The following TMEM229B variants were observed in gnomAD, a reference collection of about 807,000 sequenced individuals.
The protein encoded by TMEM229B is chromosome 14 open reading frame 83.
In TMEM229B, 6 loss-of-function variants were observed where a neutral mutation model predicts 13.7. That is an observed-to-expected ratio of 0.44 (90% CI 0.24 to 0.86). TMEM229B has a LOEUF of 0.86. Among genes scored for constraint, TMEM229B ranks in the 40% least tolerant of loss-of-function variants. The pLI, the probability that TMEM229B is intolerant of heterozygous loss-of-function variation, is 0.23. For synonymous variants in TMEM229B, 107 were observed against 102.1 expected, an observed-to-expected ratio of 1.05 and a Z score of -0.29; for missense variants, 170 against 236.0, an observed-to-expected ratio of 0.72 and a Z score of 1.83.
upstream of TMEM229B, among the ~76,000 whole-genome samples, chr14:67,519,636 C>A (rs564173218): frequency 6.6e-6 from 1 of 151,970 alleles, no homozygotes; most frequent in East Asian, 1.9e-4. Flanking sequence ...CAAGTACCCC[C>A]CAAACAGCGA....
At chr14:67,499,482 T>C (rs1205088660) in intron 1 of TMEM229B, among the ~76,000 whole-genome samples, 1 of 152,222 alleles carries the variant, frequency 6.6e-6, no homozygotes, top group Non-Finnish European at 1.5e-5. Flanking sequence ...AGGTTATCTC[T>C]ACAGGCCAGG....
chr14:67,473,711 G>T lies in TMEM229B; in HGVS notation c.213C>A (p.Cys71Ter). The change falls in exon 3 of 3, where the codon TGC (cysteine) becomes TGA (stop). Residue 71 changes from cysteine to a stop codon, truncating the protein, a stop_gained. Coordinates refer to ENST00000554480, the MANE Select transcript of TMEM229B (RefSeq NM_001348543.2). LOFTEE classifies it high-confidence loss of function. This position sits in a 1 kb window ranked among gnomAD's most constrained non-coding sequence, Gnocchi z 6.5. Reference sequence around the variant, plus strand: ...AGATGAGGCAGCGCAGGAGCAGCGGGCAGCGGCCGCGCAGCCGCAGGTACA... The same window carrying T: ...AGATGAGGCAGCGCAGGAGCAGCGGTCAGCGGCCGCGCAGCCGCAGGTACA... ...ERMYLRLRGR[C>*]PLLLRCLIYT... 6.2e-7 allele frequency: 1 copy of T among 1,600,082 alleles called. No homozygotes were observed. Among genetic ancestry groups the T allele is most frequent in the Admixed American group, 1.7e-5 (1 of 57,684 alleles).
chr14:67,473,702 G>C lies in TMEM229B; in HGVS notation c.222C>G (p.Leu74=), dbSNP rs772699046. ...AGAGCGTGTAGATGAGGCAGCGCAG[G>C]AGCAGCGGGCAGCGGCCGCGCAGCC... ...YLRLRGRCPL[L]LRCLIYTLWT... is the part of the protein sequence containing the mutation. The change falls in exon 3 of 3, where the codon CTC becomes CTG. Residue 74 remains leucine (L), a synonymous_variant. Coordinates refer to ENST00000554480, the MANE Select transcript of TMEM229B (RefSeq NM_001348543.2). The surrounding 1 kb of genome is among the most constrained non-coding windows in gnomAD (Gnocchi z 6.5). The C allele has an allele frequency of 6.3e-7, 1 of 1,594,950 alleles. No homozygotes were observed. Among genetic ancestry groups the C allele is most frequent in the South Asian group, 1.1e-5 (1 of 88,530 alleles).
chr14:67,524,830 G>T (rs1022730987), intron 1 of TMEM229B, among the ~76,000 whole-genome samples: 3 of 152,176 alleles, frequency 2.0e-5, no homozygotes, highest in Non-Finnish European at 4.4e-5. Flanking sequence ...AGGCCCCTCT[G>T]ATCTGAACAG....
intron 1 of TMEM229B, among the ~76,000 whole-genome samples, chr14:67,514,766 A>C (rs1375126460): frequency 6.6e-6 from 1 of 150,962 alleles, no homozygotes; most frequent in African/African-American, 2.4e-5. Context: ...TCCCCCTGAC[A>C]CCCCTTTGTT....
At chr14:67,499,831 A>C (rs1444203299) in intron 1 of TMEM229B, among the ~76,000 whole-genome samples, 2 of 98,546 alleles carry the variant, frequency 2.0e-5, no homozygotes, top group Non-Finnish European at 4.8e-5. Flanking sequence ...ACTGCTAAAC[A>C]GGGACAAAGG....
At chr14:67,502,266 G>A (rs1383152870) in intron 1 of TMEM229B, among the ~76,000 whole-genome samples, 1 of 151,836 alleles carries the variant, frequency 6.6e-6, no homozygotes, top group Non-Finnish European at 1.5e-5. Context: ...GGGAGGTGGA[G>A]GTTGCAGTGA....
intron 1 of TMEM229B, among the ~76,000 whole-genome samples, chr14:67,502,545 G>A (rs1032977400): frequency 6.2e-5 from 9 of 145,888 alleles, no homozygotes; most frequent in Middle Eastern, 4.4e-3. Flanking sequence ...CTCCGCCTCC[G>A]AGATTCAAGC....
At chr14:67,493,799 G>A (rs1414433115) in intron 1 of TMEM229B, among the ~76,000 whole-genome samples, 4 of 152,068 alleles carry the variant, frequency 2.6e-5, no homozygotes, top group African/African-American at 7.2e-5. Flanking sequence ...TTTCTTTTTT[G>A]TTTTGGACTT....
chr14:67,531,908 T>TC (rs1252596400), intron 1 of TMEM229B, among the ~76,000 whole-genome samples: 1 of 86,638 alleles, frequency 1.2e-5, no homozygotes, highest in East Asian at 2.9e-4. Flanking sequence ...AGAACCTATG[T>TC]CCAAAAAAAA....
At chr14:67,488,198 G>A (rs2031986017) in intron 1 of TMEM229B, among the ~76,000 whole-genome samples, 1 of 152,254 alleles carries the variant, frequency 6.6e-6, no homozygotes. Flanking sequence ...GTGCTGGTCT[G>A]TGCTGATGCC....
Position 67,471,339 on chromosome 14 carries a change from G to A in TMEM229B, c.*2081C>T, listed in dbSNP as rs1043529400. ...TTGTGGAATGCAAGTGTGAAGGTGG[G>A]TAGTGTGGTCTAGGGGCCCACATGG... On this transcript the variant is annotated 3_prime_UTR_variant, in exon 3 of 3. Transcript: ENST00000554480. The A allele has an allele frequency of 6.6e-6, 1 of 152,326 alleles. No individual in the cohort carries two copies. Among genetic ancestry groups the A allele is most frequent in the Non-Finnish European group, 1.5e-5 (1 of 68,108 alleles). 9.4% of individuals were successfully genotyped at this position (152,326 alleles called of 1,614,324 possible).
chr14:67,474,878 G>A (rs1027749148), intron 2 of TMEM229B, among the ~76,000 whole-genome samples: 7 of 149,280 alleles, frequency 4.7e-5, no homozygotes, highest in African/African-American at 1.7e-4. Flanking sequence ...TGTCTTTAAG[G>A]TTCATCCATG....
chr14:67,492,074 T>A (rs549143959), upstream of TMEM229B, among the ~76,000 whole-genome samples: 3 of 152,052 alleles, frequency 2.0e-5, no homozygotes, highest in Non-Finnish European at 4.4e-5. Context: ...CCTTTCCCTC[T>A]CCTCTCCCCC....
chr14:67,503,846 G>A (rs528265524), intron 1 of TMEM229B, among the ~76,000 whole-genome samples: 10 of 151,046 alleles, frequency 6.6e-5, no homozygotes, highest in Admixed American at 6.0e-4. Context: ...TGGGATTACA[G>A]GTGCTCACCA....
chr14:67,521,335 C>A (rs1318832571), intron 1 of TMEM229B, among the ~76,000 whole-genome samples: 1 of 152,134 alleles, frequency 6.6e-6, no homozygotes, highest in Admixed American at 6.5e-5. Context: ...ACTAAGGATG[C>A]CCTTGAATAT....
rs531516150 is a variant in TMEM229B, at chr14:67,488,630, C to G, written c.-314G>C. 1 of 152,590 alleles carries G rather than the reference C, an allele frequency of 6.6e-6. No homozygotes were observed. Among genetic ancestry groups the G allele is most frequent in the South Asian group, 2.1e-4 (1 of 4,830 alleles). 9.5% of individuals were successfully genotyped at this position (152,590 alleles called of 1,614,324 possible). A position where few individuals can be genotyped will look rare whatever the true frequency, so the allele number is the denominator to read the frequency against. ...TGGGACTCTCTCTCCACCAGCACCA[C>G]AAGGACCATGTGCCTGGGGAGTTCA... is the stretch of plus-strand genomic sequence containing the variant. On this transcript the variant is annotated 5_prime_UTR_variant, in exon 1 of 3. Coordinates refer to ENST00000554480, the MANE Select transcript of TMEM229B (RefSeq NM_001348543.2).
chr14:67,530,633 C>T (rs908511811), intron 1 of TMEM229B, among the ~76,000 whole-genome samples: 2 of 152,194 alleles, frequency 1.3e-5, no homozygotes, highest in Non-Finnish European at 2.9e-5. Flanking sequence ...TCAAAATATA[C>T]ACCCAAGGGC....
intron 1 of TMEM229B, among the ~76,000 whole-genome samples, chr14:67,513,705 C>T (rs945691870): frequency 2.0e-5 from 3 of 152,096 alleles, no homozygotes; most frequent in Non-Finnish European, 4.4e-5. Context: ...CACAGGCAGG[C>T]GGGAGAGTCC....
Sources: gnomAD v4.1 joint callset for allele counts (sites outside exome capture counted in the v4.1 genomes callset) on GRCh38, gnomAD v4.1.1 for gene constraint, Gnocchi (gnomAD v3.1) non-coding constraint, MANE v1.5 for transcripts, NCBI Gene and HGNC (gene_info 2026-07-23, HGNC 2026-07-21) for gene names.